FAT3: variants seen among roughly 807,000 people sequenced by gnomAD.
The protein encoded by FAT3 is FAT atypical cadherin 3.
In FAT3, 95 loss-of-function variants were observed where a neutral mutation model predicts 310.2. The ratio of observed to expected loss-of-function variants is 0.31; its 90% CI spans 0.26 to 0.36. The LOEUF (loss-of-function observed/expected upper bound fraction) is 0.36. Ranked by LOEUF, FAT3 falls within the 10% of genes least tolerant of loss-of-function variation. FAT3 has a pLI of 1.00. For synonymous variants in FAT3, 2,314 were observed against 2,192.9 expected (o/e 1.06, Z -1.54); for missense variants, 5,408 against 5,715.6 (o/e 0.95, Z 1.74).
chr11:92,679,868 A>AAAG (rs1943422884), intron 3 of FAT3, among the ~76,000 whole-genome samples: 1 of 148,004 alleles, frequency 6.8e-6, no homozygotes, highest in African/African-American at 2.5e-5. Flanking sequence ...AAAAAAAAAA[A>AAAG]GTTGAACGTT....
intron 4 of FAT3, among the ~76,000 whole-genome samples, chr11:92,716,034 T>C (rs1468299564): frequency 1.3e-5 from 2 of 152,104 alleles, no homozygotes; most frequent in African/African-American, 2.4e-5. Flanking sequence ...ATCAACGTCA[T>C]ATACAAAGAC....
chr11:92,722,383 G>T (rs1375499659), intron 4 of FAT3, among the ~76,000 whole-genome samples: 1 of 152,170 alleles, frequency 6.6e-6, no homozygotes, highest in African/African-American at 2.4e-5. Context: ...CAAGGGGTGG[G>T]CTCCCATGGC....
intron 1 of FAT3, among the ~76,000 whole-genome samples, chr11:92,291,985 G>C (rs1771586090): frequency 6.6e-6 from 1 of 151,874 alleles, no homozygotes; most frequent in Non-Finnish European, 1.5e-5. Context: ...TTTTTTTAGT[G>C]CTTGCAGTTT....
At chr11:92,230,177 C>T (rs547820419) in intron 1 of FAT3, among the ~76,000 whole-genome samples, 10 of 152,206 alleles carry the variant, frequency 6.6e-5, no homozygotes, top group African/African-American at 2.4e-4. Context: ...TAACTTTTGC[C>T]TTTGTACATC....
intron 7 of FAT3, among the ~76,000 whole-genome samples, chr11:92,779,804 A>C (rs1946694277): frequency 6.6e-6 from 1 of 152,216 alleles, no homozygotes; most frequent in Non-Finnish European, 1.5e-5. Flanking sequence ...TGAGCCCTTA[A>C]GCAGAAGAAG....
chr11:92,434,165 G>T (rs561079295), intron 2 of FAT3, among the ~76,000 whole-genome samples: 1 of 152,086 alleles, frequency 6.6e-6, no homozygotes, highest in African/African-American at 2.4e-5. Context: ...AGCACTCAAA[G>T]AACTCCTATT....
chr11:92,357,215 G>T (rs1490339413), intron 2 of FAT3, among the ~76,000 whole-genome samples: 2 of 152,098 alleles, frequency 1.3e-5, no homozygotes, highest in Non-Finnish European at 2.9e-5. Context: ...TGTACAGAGG[G>T]TTTTATAGAC....
chr11:92,874,766 C>G (rs191029098), intron 22 of FAT3, among the ~76,000 whole-genome samples: 1 of 152,074 alleles, frequency 6.6e-6, no homozygotes, highest in Non-Finnish European at 1.5e-5. Flanking sequence ...CTCAAACCCC[C>G]GAACTCAGGT....
At chr11:92,539,895 C>T (rs1954383614) in intron 3 of FAT3, among the ~76,000 whole-genome samples, 2 of 152,176 alleles carry the variant, frequency 1.3e-5, no homozygotes, top group Non-Finnish European at 2.9e-5. Flanking sequence ...CATGGGCCTG[C>T]CATCTATGTC....
chr11:92,445,159 C>A (rs1282976947), intron 2 of FAT3, among the ~76,000 whole-genome samples: 1 of 152,152 alleles, frequency 6.6e-6, no homozygotes, highest in Admixed American at 6.6e-5. Flanking sequence ...AAATAAAATA[C>A]GTTATTTAAG....
chr11:92,832,151 T>G, intron 14 of FAT3, 140 bp downstream of exon 14: 2 of 970,328 alleles, frequency 2.1e-6, no homozygotes, highest in South Asian at 1.8e-5. Context: ...GACAACAGAG[T>G]GAGACCCTGT....
chr11:92,432,733 G>T (rs1483098362), intron 2 of FAT3, among the ~76,000 whole-genome samples: 1 of 152,158 alleles, frequency 6.6e-6, no homozygotes. Flanking sequence ...CCCACTTGAG[G>T]AGGCAGCCTG....
chr11:92,564,647 C>T (rs1419467719), intron 3 of FAT3, among the ~76,000 whole-genome samples: 4 of 152,168 alleles, frequency 2.6e-5, no homozygotes, highest in Non-Finnish European at 4.4e-5. Flanking sequence ...TAAAGCTCTC[C>T]TCAGTAAATG....
intron 1 of FAT3, among the ~76,000 whole-genome samples, chr11:92,258,408 G>T (rs1448161752): frequency 6.6e-6 from 1 of 152,144 alleles, no homozygotes; most frequent in African/African-American, 2.4e-5. Flanking sequence ...GGTCTGCCTT[G>T]AGGGATCGTG....
chr11:92,480,698 A>C (rs1012214653), intron 2 of FAT3, among the ~76,000 whole-genome samples: 1 of 152,006 alleles, frequency 6.6e-6, no homozygotes, highest in Admixed American at 6.5e-5. Flanking sequence ...GAAGCAATGC[A>C]CATTTTTTTT....
intron 3 of FAT3, among the ~76,000 whole-genome samples, chr11:92,577,993 G>A (rs1938578643): frequency 6.6e-6 from 1 of 152,154 alleles, no homozygotes; most frequent in South Asian, 2.1e-4. Context: ...ACTGAAAAGT[G>A]AATCACTTAC....
intron 1 of FAT3, chr11:92,314,432 T>C (rs1947383148): frequency 7.3e-6 from 2 of 275,690 alleles, no homozygotes; most frequent in Non-Finnish European, 1.1e-5. Flanking sequence ...GGAAAGAGAA[T>C]TTTAATCTCC....
At chr11:92,373,128 T>C (rs1273731132) in intron 2 of FAT3, among the ~76,000 whole-genome samples, 2 of 152,188 alleles carry the variant, frequency 1.3e-5, no homozygotes, top group East Asian at 1.9e-4. Flanking sequence ...TATTTTTCCA[T>C]CGTCCTTCCT....
chr11:92,732,184 G>GAATCAAAGA (rs1166692100), intron 4 of FAT3, among the ~76,000 whole-genome samples: 1 of 152,164 alleles, frequency 6.6e-6, no homozygotes, highest in Admixed American at 6.5e-5. Flanking sequence ...TGTTTAAGGG[G>GAATCAAAGA]TGAGGAAGCA....
Sources: allele counts gnomAD v4.1 joint callset (sites outside exome capture counted in the v4.1 genomes callset), GRCh38; gene constraint gnomAD v4.1.1; transcripts MANE v1.5; gene names NCBI Gene and HGNC (gene_info 2026-07-23, HGNC 2026-07-21).